LEMD1: variants seen among roughly 807,000 people sequenced by gnomAD.
LEMD1 encodes the protein LEM domain containing 1, also known as LEM domain-containing protein 1.
A neutral mutation model predicts 17.4 loss-of-function variants in LEMD1; 18 were observed. The ratio of observed to expected loss-of-function variants is 1.04; its 90% confidence interval spans 0.72 to 1.54. The LOEUF (loss-of-function observed/expected upper bound fraction) is 1.54, where lower values mean the gene tolerates loss of function less well. Ranked by LOEUF, LEMD1 falls within the 40% of genes most tolerant of loss-of-function variation. The probability of loss-of-function intolerance (pLI) is 0.00; values close to 1 mark genes in which losing one functional copy is unlikely to be tolerated. For missense variants in LEMD1, 195 were observed against 210.4 expected (o/e 0.93, Z 0.45); for synonymous variants, 88 against 77.8 (o/e 1.13, Z -0.69).
chr1:205,419,497 A>G (rs369244672), intron 2 of LEMD1, 145 bp from the exon 3 acceptor site: 2 of 918,280 alleles, frequency 2.2e-6, no homozygotes, highest in East Asian at 5.3e-5. Context: ...ACAGGGTCTC[A>G]CTGTGTCTCC....
chr1:205,406,439 G>A (rs910670796), intron 4 of LEMD1, among the ~76,000 whole-genome samples: 84 of 152,336 alleles, frequency 5.5e-4, no homozygotes, highest in African/African-American at 1.9e-3. Context: ...CCTGGCTGCC[G>A]CCTTGCAGTT....
intron 4 of LEMD1, among the ~76,000 whole-genome samples, chr1:205,389,198 G>A (rs548144651): frequency 1.1e-4 from 17 of 151,960 alleles, no homozygotes; most frequent in Admixed American, 2.0e-4. Flanking sequence ...ACAGGTGCAT[G>A]CCACCATGCC....
intron 4 of LEMD1, among the ~76,000 whole-genome samples, chr1:205,403,916 G>A (rs1224695455): frequency 6.6e-6 from 1 of 151,608 alleles, no homozygotes; most frequent in Non-Finnish European, 1.5e-5. Flanking sequence ...TGTTCTCGTT[G>A]GTTTCAAAGA....
At chr1:205,388,611 A>G (rs990773451) in intron 4 of LEMD1, among the ~76,000 whole-genome samples, 22 of 152,366 alleles carry the variant, frequency 1.4e-4, no homozygotes, top group Non-Finnish European at 3.1e-4. Flanking sequence ...CATAAAAGGC[A>G]TAGCTATAAT....
intron 4 of LEMD1, chr1:205,385,917 CAG>C: frequency 6.6e-6 from 1 of 152,414 alleles, no homozygotes; most frequent in African/African-American, 2.4e-5. Flanking sequence ...TCGCGTCAGA[CAG>C]GGAAAGGACT....
At position 205,448,174 on chromosome 1, in the gene LEMD1, A is replaced by C. The variant is rs960312643; in HGVS notation, c.-39+1694T>G. Reference sequence around the variant, plus strand: ...AGGGAAGTGACTGGGCCAAGGTCACACGGCTTAGCCCCGATCCCAGGTTAC... The same window carrying C: ...AGGGAAGTGACTGGGCCAAGGTCACCCGGCTTAGCCCCGATCCCAGGTTAC... On this transcript the variant is annotated intron_variant, in intron 1 of 3. Coordinates refer to the LEMD1 transcript ENST00000367154. This position sits in a 1 kb window ranked among gnomAD's most constrained non-coding sequence, Gnocchi z 4.7. The C allele has an allele frequency of 2.5e-6, 1 of 401,480 alleles. No individual in the cohort carries two copies. Among genetic ancestry groups the C allele is most frequent in the Non-Finnish European group, 5.0e-6 (1 of 198,830 alleles). The allele number at this position is 401,480 out of a possible 1,614,324, so 24.9% of individuals were successfully genotyped here. A position where few individuals can be genotyped will look rare whatever the true frequency, so the allele number is the denominator to read the frequency against.
At chr1:205,437,481 G>T (rs1006238878) in intron 1 of LEMD1, 1 of 152,326 alleles carries the variant, frequency 6.6e-6, no homozygotes, top group Admixed American at 6.5e-5. Flanking sequence ...ACTGCAAGGA[G>T]TCCTGGGCCC....
At chr1:205,419,697 C>T (rs1358556315) in intron 2 of LEMD1, among the ~76,000 whole-genome samples, 1 of 152,162 alleles carries the variant, frequency 6.6e-6, no homozygotes, top group Non-Finnish European at 1.5e-5. Flanking sequence ...AATTCCTGAC[C>T]TCAAGTGATC....
At chr1:205,445,952 AAGAG>A (rs1388343489) in intron 1 of LEMD1, among the ~76,000 whole-genome samples, 1 of 152,156 alleles carries the variant, frequency 6.6e-6, no homozygotes, top group Non-Finnish European at 1.5e-5. Flanking sequence ...CAAATACAAT[AAGAG>A]AGAGTCATCT....
chr1:205,419,275 C>T lies in LEMD1; in HGVS notation c.160G>A (p.Gly54Arg). 3 of 1,614,240 alleles carry T rather than the reference C, an allele frequency of 1.9e-6. No homozygotes were observed. Among genetic ancestry groups the T allele is most frequent in the Non-Finnish European group, 2.5e-6 (3 of 1,180,042 alleles). ...TGCGCTCCATCCAGCTCTCTGGGTC[C>T]ATTCATCACAGGTGGTGCACAGGGA... ...SPPCAPPVMN[G>R]PRELDGAQDS... is the part of the protein sequence containing the mutation. The change falls in exon 3 of 6, where the codon GGA becomes AGA. Residue 54 changes from glycine (G) to arginine (R), a missense_variant. Gly to Arg is a moderately radical substitution (Grantham distance 125). Transcript: ENST00000367153.
chr1:205,388,345 G>A (rs1175441118), intron 4 of LEMD1, among the ~76,000 whole-genome samples: 2 of 151,994 alleles, frequency 1.3e-5, no homozygotes, highest in South Asian at 2.1e-4. Flanking sequence ...TTACAGGCGC[G>A]AGCCACAACA....
chr1:205,392,425 C>T (rs891558686), intron 4 of LEMD1, among the ~76,000 whole-genome samples: 5 of 151,550 alleles, frequency 3.3e-5, no homozygotes, highest in Non-Finnish European at 7.4e-5. Context: ...GCCTGTAGTC[C>T]CAGCTACTCG....
chr1:205,393,343 A>G (rs548399600), intron 4 of LEMD1, among the ~76,000 whole-genome samples: 2 of 150,880 alleles, frequency 1.3e-5, no homozygotes, highest in South Asian at 4.2e-4. Flanking sequence ...AAAAACTACA[A>G]TGAGATACCA....
intron 4 of LEMD1, among the ~76,000 whole-genome samples, chr1:205,406,566 A>G (rs1574972353): frequency 1.3e-5 from 2 of 152,230 alleles, no homozygotes; most frequent in East Asian, 3.9e-4. Context: ...GGAAAAGCGC[A>G]GTATTCGAGT....
At chr1:205,435,386 C>T (rs761362391) in intron 1 of LEMD1, 1 of 152,178 alleles carries the variant, frequency 6.6e-6, no homozygotes, top group East Asian at 1.9e-4. Context: ...TTCATTAGAC[C>T]CTGTCTTCAA....
At chr1:205,417,982 C>T (rs931133921) in intron 3 of LEMD1, among the ~76,000 whole-genome samples, 17 of 152,026 alleles carry the variant, frequency 1.1e-4, no homozygotes, top group African/African-American at 3.9e-4. Context: ...CAAACATACA[C>T]CAAGTTCTGC....
Position 205,392,017 on chromosome 1 carries a change from A to C in LEMD1, c.271-7653T>G, listed in dbSNP as rs571804409. 3.5e-3 allele frequency among the ~76,000 whole-genome samples: 527 copies of C among 151,524 alleles called. 3 individuals carry two copies. The highest frequency in any genetic ancestry group is 0.012 in the African/African-American group (494 of 41,294). ...TCCCAGCTACTCAGGAGGCTGGGGCAGGAGGATTGCTTGAACCCGGGAGGC... is the reference window on the plus strand; with the variant it reads ...TCCCAGCTACTCAGGAGGCTGGGGCCGGAGGATTGCTTGAACCCGGGAGGC... On this transcript the variant is annotated intron_variant, in intron 4 of 5. Transcript: ENST00000367153.
At position 205,389,035 on chromosome 1, in the gene LEMD1, TTC is replaced by T. The variant is rs1328670452; in HGVS notation, c.271-4673_271-4672del. Among the ~76,000 whole-genome samples, 769 of 129,126 alleles carry T rather than the reference TTC, an allele frequency of 6.0e-3. 17 individuals carry two copies. Among genetic ancestry groups the T allele is most frequent in the Non-Finnish European group, 8.9e-3 (552 of 62,308 alleles). The allele number at this position is 129,126 out of a possible 152,430, so 84.7% of individuals were successfully genotyped here. A position where few individuals can be genotyped will look rare whatever the true frequency, so the allele number is the denominator to read the frequency against. On this transcript the variant is annotated intron_variant, in intron 4 of 5. Transcript: ENST00000367153. ...AAAATCACCAAAAAGTACATTTGCTTTCTTTTTTTTTTTTTTTTTTTTTTTTT... is the reference window on the plus strand; with the variant it reads ...AAAATCACCAAAAAGTACATTTGCTTTTTTTTTTTTTTTTTTTTTTTTTTT...
chr1:205,413,782 A>G (rs918621515), intron 4 of LEMD1, among the ~76,000 whole-genome samples: 3 of 151,532 alleles, frequency 2.0e-5, no homozygotes, highest in Admixed American at 2.0e-4. Context: ...CCTCCTGAGT[A>G]GCTGGGACAA....
Sources: allele counts gnomAD v4.1 joint callset (sites outside exome capture counted in the v4.1 genomes callset), GRCh38; gene constraint gnomAD v4.1.1; non-coding constraint Gnocchi (gnomAD v3.1); transcripts MANE v1.5; gene names NCBI Gene and HGNC (gene_info 2026-07-23, HGNC 2026-07-21).